The following TUBGCP3 variants were observed in gnomAD, a reference collection of about 807,000 sequenced individuals.
The protein encoded by TUBGCP3 is tubulin gamma complex component 3, also known as gamma-tubulin complex component 3.
TUBGCP3 carries 50 observed loss-of-function variants against 123.1 expected under a neutral mutation model. That is an observed-to-expected ratio of 0.41 (90% CI 0.32 to 0.51). The LOEUF (loss-of-function observed/expected upper bound fraction) is 0.51. Ranked by LOEUF, TUBGCP3 falls within the 20% of genes least tolerant of loss-of-function variation. The pLI, the probability that TUBGCP3 is intolerant of heterozygous loss-of-function variation, is 0.36. For synonymous variants in TUBGCP3, 405 were observed against 413.9 expected (o/e 0.98, Z 0.26); for missense variants, 882 against 1,127.0 (o/e 0.78, Z 3.11).
intron 11 of TUBGCP3, among the ~76,000 whole-genome samples, chr13:112,540,267 G>A (rs59783315): frequency 3.7e-5 from 5 of 135,944 alleles, no homozygotes; most frequent in African/African-American, 8.0e-5. Flanking sequence ...GAGTGATGAC[G>A]TCAATGTAGT....
Position 112,499,093 on chromosome 13 carries a change from C to T in TUBGCP3, c.2400G>A (p.Leu800=). ...TCTCTTCAAACTGTAATCGTCTCTGCAATTCTTCCAGAGCAGCTCTGTATA... is the reference window on the plus strand; with the variant it reads ...TCTCTTCAAACTGTAATCGTCTCTGTAATTCTTCCAGAGCAGCTCTGTATA... ...DAIYRAALEE[L]QRRLQFEEKK... Residue 800 remains leucine, a synonymous_variant, in exon 20 of 22, where the codon TTG becomes TTA. Coordinates refer to ENST00000261965, the MANE Select transcript of TUBGCP3 (RefSeq NM_006322.6). The T allele has an allele frequency of 1.2e-6, 2 of 1,614,180 alleles. No homozygotes were observed. The highest frequency in any genetic ancestry group is 1.7e-6 in the Non-Finnish European group (2 of 1,180,022).
At chr13:112,592,199 A>G (rs1882894505), upstream of TUBGCP3, among the ~76,000 whole-genome samples, 1 of 152,248 alleles carries the variant, frequency 6.6e-6, no homozygotes, top group Admixed American at 6.5e-5. The surrounding 1 kb of genome is among the most constrained non-coding windows in gnomAD (Gnocchi z 4.1). Context: ...ACCGACATAG[A>G]TAGTAGATAA....
Position 112,536,091 on chromosome 13 carries a change from C to T in TUBGCP3, c.1336-8607G>A, listed in dbSNP as rs189278186. Among the ~76,000 whole-genome samples the T allele has an allele frequency of 1.5e-3, 221 of 152,322 alleles. 3 individuals carry two copies. The South Asian group carries it at 0.016, about 11-fold the overall frequency. On this transcript the variant is annotated intron_variant, in intron 11 of 21. Transcript: ENST00000261965. Reference sequence around the variant, plus strand: ...AAATGAAGATGTACTTCTGGGCTCTCGCTTCTAGTCCATTGACCCAGAGGT... The same window carrying T: ...AAATGAAGATGTACTTCTGGGCTCTTGCTTCTAGTCCATTGACCCAGAGGT...
rs771250863 is a variant in TUBGCP3, at chr13:112,587,902, T to C, written c.76+3A>G. 13 of 1,590,102 alleles carry C rather than the reference T, an allele frequency of 8.2e-6. No individual in the cohort carries two copies. The highest frequency in any genetic ancestry group is 1.7e-4 in the Middle Eastern group (1 of 6,022). On this transcript the variant is annotated splice_donor_region_variant and intron_variant, in intron 1 of 21. Transcript: ENST00000261965. ...CGGGCTTCGCGTCGCCCGGCCACTC[T>C]ACCTTCGCTCCTGCCCAGGATCCTG...
intron 1 of TUBGCP3, among the ~76,000 whole-genome samples, chr13:112,582,692 A>G (rs1228602905): frequency 6.6e-6 from 1 of 152,188 alleles, no homozygotes; most frequent in Non-Finnish European, 1.5e-5. Flanking sequence ...AGAGTGAAAA[A>G]TAGAGTACTC....
rs149572712 is a variant in TUBGCP3 at position 112,562,241 on chromosome 13, T to A, written c.253-2842A>T. Among the ~76,000 whole-genome samples, 75 of 147,422 alleles carry A rather than the reference T, an allele frequency of 5.1e-4. No individual in the cohort carries two copies. In the East Asian group the frequency reaches 8.1e-3, roughly 16 times the overall value. On this transcript the variant is annotated intron_variant, in intron 3 of 21. Coordinates refer to ENST00000261965, the MANE Select transcript of TUBGCP3 (RefSeq NM_006322.6). The stretch of plus-strand genomic sequence containing the variant: ...GGGACCACCACCAGCCAGGGCCTAC[T>A]AGGGAATACCACCAGCCAGGACCTA...
chr13:112,527,387 T>A lies in TUBGCP3; in HGVS notation c.1433A>T (p.Asp478Val). Reference protein sequence around the residue: ...KSMIPSFMTMDQSRKVLLIGK... With the variant: ...KSMIPSFMTMVQSRKVLLIGK... ...TTCTAATCCTACCTTCCTAGACTGA[T>A]CCATCGTCATAAACGAAGGAATCAT... The change falls in exon 12 of 22, where the codon GAT becomes GTT. Residue 478 changes from aspartate to valine, a missense_variant. Asp to Val is a radical substitution (Grantham distance 152, BLOSUM62 -3). Coordinates refer to ENST00000261965, the MANE Select transcript of TUBGCP3 (RefSeq NM_006322.6). 6.3e-7 allele frequency: 1 copy of A among 1,583,286 alleles called. No individual in the cohort carries two copies. Among genetic ancestry groups the A allele is most frequent in the Non-Finnish European group, 8.6e-7 (1 of 1,167,700 alleles).
In TUBGCP3 at chr13:112,499,038, A is replaced by T; in HGVS notation, c.2448+7T>A. On this transcript the variant is annotated splice_region_variant and intron_variant, in intron 20 of 21. Coordinates refer to ENST00000261965, the MANE Select transcript of TUBGCP3 (RefSeq NM_006322.6). The stretch of plus-strand genomic sequence containing the variant: ...AATAGATAAATTCACAAGTGTAAAG[A>T]CCATACCTCAATTTCACGCTGTTTC... 1.9e-6 allele frequency: 3 copies of T among 1,614,178 alleles called. No individual in the cohort carries two copies. Among genetic ancestry groups the T allele is most frequent in the Non-Finnish European group, 2.5e-6 (3 of 1,180,024 alleles).
chr13:112,556,043 C>G lies in TUBGCP3; in HGVS notation c.721+9G>C. 6.2e-7 allele frequency: 1 copy of G among 1,609,504 alleles called. No homozygotes were observed. Among genetic ancestry groups the G allele is most frequent in the Non-Finnish European group, 8.5e-7 (1 of 1,176,384 alleles). On this transcript the variant is annotated intron_variant, in intron 6 of 21. Coordinates refer to ENST00000261965, the MANE Select transcript of TUBGCP3 (RefSeq NM_006322.6). ...CAGAAAAGCTGTATTAACATAGATC[C>G]TTACTCACCACCCGTATCCCCTTCT... is the stretch of plus-strand genomic sequence containing the variant.
intron 2 of TUBGCP3, among the ~76,000 whole-genome samples, chr13:112,567,997 A>G (rs1180396259): frequency 1.3e-5 from 2 of 151,432 alleles, no homozygotes; most frequent in Non-Finnish European, 2.9e-5. Context: ...ATGGACTTCT[A>G]AAAGATGTTA....
At chr13:112,560,252 A>G (rs1317387669) in intron 3 of TUBGCP3, among the ~76,000 whole-genome samples, 3 of 151,610 alleles carry the variant, frequency 2.0e-5, no homozygotes, top group Non-Finnish European at 4.4e-5. Context: ...AAAACGGTGA[A>G]ACCCCGTCTC....
intron 8 of TUBGCP3, among the ~76,000 whole-genome samples, chr13:112,553,548 C>A (rs1879771498): frequency 6.6e-6 from 1 of 152,220 alleles, no homozygotes; most frequent in African/African-American, 2.4e-5. Context: ...AGCTCCCTCC[C>A]AACCATGCAC....
intron 17 of TUBGCP3, among the ~76,000 whole-genome samples, chr13:112,512,734 C>CA (rs34006163): frequency 6.6e-6 from 1 of 151,444 alleles, no homozygotes; most frequent in African/African-American, 2.4e-5. Flanking sequence ...GACTCCATCT[C>CA]AAAAAAAAGG....
chr13:112,507,377 A>T (rs1213210881), intron 17 of TUBGCP3, among the ~76,000 whole-genome samples: 5 of 152,202 alleles, frequency 3.3e-5, no homozygotes, highest in African/African-American at 1.2e-4. Context: ...GGTTATACTT[A>T]TTCATCCTGA....
upstream of TUBGCP3, among the ~76,000 whole-genome samples, chr13:112,589,187 A>ATC (rs1450563210): frequency 1.3e-5 from 2 of 152,196 alleles, no homozygotes. Context: ...ACTCAACACG[A>ATC]TCAGTTAGTA....
intron 13 of TUBGCP3, among the ~76,000 whole-genome samples, chr13:112,525,280 C>T (rs1392587819): frequency 6.6e-6 from 1 of 152,210 alleles, no homozygotes; most frequent in Non-Finnish European, 1.5e-5. Flanking sequence ...CCAAATTCTC[C>T]TCCTTCTCCA....
At chr13:112,576,835 A>G (rs1231459531) in intron 1 of TUBGCP3, among the ~76,000 whole-genome samples, 3 of 151,772 alleles carry the variant, frequency 2.0e-5, no homozygotes, top group African/African-American at 7.3e-5. Context: ...CAATAATCTC[A>G]GTTTATATGA....
chr13:112,516,557 T>A lies in TUBGCP3; in HGVS notation c.1969A>T (p.Met657Leu). The A allele has an allele frequency of 6.2e-7, 1 of 1,613,634 alleles. No individual in the cohort carries two copies. Among genetic ancestry groups the A allele is most frequent in the Non-Finnish European group, 8.5e-7 (1 of 1,179,846 alleles). ...TTAAATACTCTTAGGTAGTGGCTCA[T>A]ACATTCTCGAGTAAACACCTGGGAT... is the stretch of plus-strand genomic sequence containing the variant. Reference protein sequence around the residue: ...PIATVFTRECMSHYLRVFNFL... With the variant: ...PIATVFTRECLSHYLRVFNFL... Residue 657 changes from methionine to leucine, a missense_variant, in exon 17 of 22, where the codon ATG becomes TTG. Met to Leu is a conservative substitution (Grantham distance 15). This residue lies in a region of TUBGCP3 where 713 missense variants were observed against 874.0 expected (regional missense o/e 0.82). Coordinates refer to ENST00000261965, the MANE Select transcript of TUBGCP3 (RefSeq NM_006322.6).
intron 8 of TUBGCP3, among the ~76,000 whole-genome samples, chr13:112,553,048 C>T (rs1386561158): frequency 1.3e-5 from 2 of 151,492 alleles, no homozygotes; most frequent in African/African-American, 4.9e-5. Flanking sequence ...TCCCAACCAC[C>T]GGCCATGCTC....
Sources: gnomAD v4.1 joint callset for allele counts (sites outside exome capture counted in the v4.1 genomes callset) on GRCh38, gnomAD v4.1.1 for gene constraint, gnomAD v4.1.1 regional missense constraint, Gnocchi (gnomAD v3.1) non-coding constraint, MANE v1.5 for transcripts, NCBI Gene and HGNC (gene_info 2026-07-23, HGNC 2026-07-21) for gene names.